The following CORIN variants were observed in gnomAD, a reference collection of about 807,000 sequenced individuals.
CORIN encodes corin, serine peptidase, also known as atrial natriuretic peptide-converting enzyme.
In CORIN, 117 loss-of-function variants were observed where a neutral mutation model predicts 125.3. The ratio of observed to expected loss-of-function variants is 0.93; its 90% CI spans 0.80 to 1.09. The LOEUF (loss-of-function observed/expected upper bound fraction) is 1.09, where lower values mean the gene tolerates loss of function less well. CORIN is among the 50% of genes least tolerant of loss of function. The pLI is 0.00. For missense variants in CORIN, 1,253 were observed against 1,306.7 expected (o/e 0.96, Z 0.63); for synonymous variants, 450 against 466.4 (o/e 0.96, Z 0.45).
At chr4:47,743,894 A>T (rs916853675) in intron 5 of CORIN, among the ~76,000 whole-genome samples, 6 of 152,218 alleles carry the variant, frequency 3.9e-5, no homozygotes, top group Non-Finnish European at 4.4e-5. Flanking sequence ...CCAGAAAAAA[A>T]AAAAAAGACA....
At chr4:47,706,504 C>A in intron 5 of CORIN, 1 of 1,611,504 alleles carries the variant, frequency 6.2e-7, no homozygotes, top group East Asian at 2.2e-5. Flanking sequence ...CCCCACCCGG[C>A]CTGATAAAGC....
chr4:47,624,046 A>G, intron 17 of CORIN, 98 bp from the exon 18 acceptor site: 2 of 961,772 alleles, frequency 2.1e-6, no homozygotes, highest in Non-Finnish European at 3.3e-6. Flanking sequence ...TCCAACTGTT[A>G]CCACCAGAAA....
At chr4:47,612,541 C>T (rs771984177) in intron 19 of CORIN, among the ~76,000 whole-genome samples, 4 of 152,156 alleles carry the variant, frequency 2.6e-5, no homozygotes, top group African/African-American at 4.8e-5. Context: ...ATCCTCACAC[C>T]GACTGTGAGA....
chr4:47,769,076 G>A (rs2109882107), intron 3 of CORIN, among the ~76,000 whole-genome samples: 1 of 152,256 alleles, frequency 6.6e-6, no homozygotes, highest in South Asian at 2.1e-4. Flanking sequence ...AAAACCTAAA[G>A]ATTCCACAAG....
At chr4:47,723,713 G>T (rs1271459986) in intron 5 of CORIN, among the ~76,000 whole-genome samples, 1 of 151,988 alleles carries the variant, frequency 6.6e-6, no homozygotes, top group Non-Finnish European at 1.5e-5. Flanking sequence ...AAGAAGCAGG[G>T]CAAGGCCAGG....
chr4:47,677,074 A>T (rs960283512), intron 9 of CORIN, among the ~76,000 whole-genome samples: 1 of 152,230 alleles, frequency 6.6e-6, no homozygotes, highest in Non-Finnish European at 1.5e-5. Context: ...TCATTGGCTG[A>T]TTATGAATAT....
intron 6 of CORIN, among the ~76,000 whole-genome samples, chr4:47,684,076 A>G (rs1725407756): frequency 1.3e-5 from 2 of 152,188 alleles, no homozygotes; most frequent in South Asian, 2.1e-4. Context: ...TCTGACTTCT[A>G]TTTTATGTCA....
rs1428138597 is a variant in CORIN, at chr4:47,744,479, G to T, written c.722C>A (p.Ser241Tyr). The change falls in exon 5 of 22, where the codon TCC (serine) becomes TAC (tyrosine). Residue 241 changes from serine (S) to tyrosine (Y), a missense_variant. By Grantham distance (144) the Ser-to-Tyr change is moderately radical. Transcript: ENST00000273857. ...NYSWPDFLRC[S>Y]QFRNQTESSN... ...GCTTTCAGTTTGGTTTCTAAACTGGGAGCATCTGAGGAAATCCGGCCAGGA... is the reference window on the plus strand; with the variant it reads ...GCTTTCAGTTTGGTTTCTAAACTGGTAGCATCTGAGGAAATCCGGCCAGGA... The T allele has an allele frequency of 6.2e-6, 10 of 1,613,890 alleles. No homozygotes were observed. Among genetic ancestry groups the T allele is most frequent in the Non-Finnish European group, 7.6e-6 (9 of 1,179,986 alleles).
intron 10 of CORIN, among the ~76,000 whole-genome samples, chr4:47,667,141 C>G (rs1371134843): frequency 6.6e-6 from 1 of 152,200 alleles, no homozygotes; most frequent in Non-Finnish European, 1.5e-5. Flanking sequence ...TTTCACCTTT[C>G]ACTTGGCTCT....
chr4:47,685,685 T>C (rs1725479541), intron 6 of CORIN, among the ~76,000 whole-genome samples: 2 of 152,108 alleles, frequency 1.3e-5, no homozygotes, highest in South Asian at 4.1e-4. Context: ...TTAAAATCAA[T>C]ATATGTAAAG....
intron 19 of CORIN, among the ~76,000 whole-genome samples, chr4:47,610,708 G>A (rs1048791778): frequency 6.6e-6 from 1 of 152,004 alleles, no homozygotes; most frequent in Admixed American, 6.6e-5. Flanking sequence ...TTTCTTCTAG[G>A]GTTTTTGTAG....
rs1405440858 is a variant in CORIN at position 47,594,915 on chromosome 4, C to CTTGA, written c.*802_*805dup. 6.6e-6 allele frequency: 1 copy of CTTGA among 152,152 alleles called. No homozygotes were observed. Among genetic ancestry groups the CTTGA allele is most frequent in the Non-Finnish European group, 1.5e-5 (1 of 68,020 alleles). The allele number at this position is 152,152 out of a possible 1,614,324, so 9.4% of individuals were successfully genotyped here. A position where few individuals can be genotyped will look rare whatever the true frequency, so the allele number is the denominator to read the frequency against. On this transcript the variant is annotated 3_prime_UTR_variant, in exon 22 of 22. Coordinates refer to ENST00000273857, the MANE Select transcript of CORIN (RefSeq NM_006587.4). Reference sequence around the variant, plus strand: ...AGAGACTCTTCTATAAAATTATGATCTTGATATACATCCAGAATGGGGGGT... The same window carrying CTTGA: ...AGAGACTCTTCTATAAAATTATGATCTTGATTGATATACATCCAGAATGGGGGGT...
chr4:47,621,399 T>A (rs750257433), intron 19 of CORIN, among the ~76,000 whole-genome samples: 41 of 152,188 alleles, frequency 2.7e-4, no homozygotes, highest in Non-Finnish European at 4.7e-4. Context: ...AGCCTCTCCC[T>A]AGCTTTGGAA....
At chr4:47,819,237 C>G (rs953563001) in intron 1 of CORIN, among the ~76,000 whole-genome samples, 5 of 152,142 alleles carry the variant, frequency 3.3e-5, no homozygotes, top group African/African-American at 1.2e-4. Flanking sequence ...ACAAGATTTA[C>G]TTGAACATGA....
intron 4 of CORIN, among the ~76,000 whole-genome samples, chr4:47,753,332 G>C (rs1389283732): frequency 1.3e-5 from 2 of 151,766 alleles, no homozygotes; most frequent in African/African-American, 4.9e-5. Context: ...ATGAGGGTCT[G>C]TTTTCAGCTG....
chr4:47,631,297 G>A (rs993473624), intron 16 of CORIN, among the ~76,000 whole-genome samples: 5 of 152,144 alleles, frequency 3.3e-5, no homozygotes, highest in Non-Finnish European at 5.9e-5. Context: ...AGGTGAGTGC[G>A]GGGCAAGCCA....
intron 5 of CORIN, among the ~76,000 whole-genome samples, chr4:47,736,432 T>C (rs939323931): frequency 3.3e-5 from 5 of 152,228 alleles, no homozygotes; most frequent in African/African-American, 7.2e-5. Context: ...ATAATTAAGA[T>C]GTGAGTGGCC....
In CORIN at chr4:47,809,190, C is replaced by T. The variant is rs1336565006; in HGVS notation, c.64-2143G>A. Among the ~76,000 whole-genome samples the T allele has an allele frequency of 3.3e-5, 5 of 152,202 alleles. No individual in the cohort carries two copies. In the South Asian group the frequency reaches 6.2e-4, roughly 19 times the overall value. ...TTCCTTGCTAAGGTGATCACAGAAGCATTATAGGAATAACCTTGGCTCATT... is the reference window on the plus strand; with the variant it reads ...TTCCTTGCTAAGGTGATCACAGAAGTATTATAGGAATAACCTTGGCTCATT... On this transcript the variant is annotated intron_variant, in intron 1 of 21. Transcript: ENST00000273857.
In CORIN at chr4:47,680,331, G is replaced by A. The variant is rs1042018918; in HGVS notation, c.1022-80C>T. Reference sequence around the variant, plus strand: ...GATTCTATGGCTCCCAGTTCCCATCGAAGAGAGTCTGTTCCAATGGCTCCA... The same window carrying A: ...GATTCTATGGCTCCCAGTTCCCATCAAAGAGAGTCTGTTCCAATGGCTCCA... On this transcript the variant is annotated intron_variant, in intron 7 of 21. Transcript: ENST00000273857. The A allele has an allele frequency of 6.0e-5, 58 of 961,936 alleles. No homozygotes were observed. In the Admixed American group the frequency reaches 7.1e-4, roughly 12 times the overall value. 59.6% of individuals were successfully genotyped at this position (961,936 alleles called of 1,614,324 possible).
Sources: allele counts gnomAD v4.1 joint callset (sites outside exome capture counted in the v4.1 genomes callset), GRCh38; gene constraint gnomAD v4.1.1; transcripts MANE v1.5; gene names NCBI Gene and HGNC (gene_info 2026-07-23, HGNC 2026-07-21).